The following YME1L1 variants were observed in gnomAD, a reference collection of about 807,000 sequenced individuals.
YME1L1 encodes the protein ATP-dependent zinc metalloprotease YME1L1.
A neutral mutation model predicts 90.4 loss-of-function variants in YME1L1; 39 were observed. The ratio of observed to expected loss-of-function variants is 0.43; its 90% CI spans 0.33 to 0.56. The LOEUF (loss-of-function observed/expected upper bound fraction) is 0.56. YME1L1 is among the 20% of genes least tolerant of loss of function. The probability of loss-of-function intolerance (pLI) is 0.03; values close to 1 mark genes in which losing one functional copy is unlikely to be tolerated. For missense variants in YME1L1, 617 were observed against 868.4 expected, an observed-to-expected ratio of 0.71 and a Z score of 3.64; for synonymous variants, 284 against 287.3, an observed-to-expected ratio of 0.99 and a Z score of 0.12.
intron 5 of YME1L1, among the ~76,000 whole-genome samples, chr10:27,136,002 T>C (rs1353003808): frequency 6.6e-6 from 1 of 152,228 alleles, no homozygotes; most frequent in Non-Finnish European, 1.5e-5. Flanking sequence ...CGTAGGTTGA[T>C]AGCCAGGTTT....
In YME1L1 at chr10:27,154,218, G is replaced by A. The variant is rs751015985; in HGVS notation, c.-8C>T. 67 of 1,587,606 alleles carry A rather than the reference G, an allele frequency of 4.2e-5. No homozygotes were observed. Among genetic ancestry groups the A allele is most frequent in the East Asian group, 1.4e-4 (6 of 43,582 alleles). Reference sequence around the variant, plus strand: ...GCTCGACAAGGAAAACATCTCCGGCGGGCCCTCAGCGACCTCACCCGCCTG... The same window carrying A: ...GCTCGACAAGGAAAACATCTCCGGCAGGCCCTCAGCGACCTCACCCGCCTG... On this transcript the variant is annotated 5_prime_UTR_variant, in exon 1 of 19. Coordinates refer to ENST00000376016, the MANE Select transcript of YME1L1 (RefSeq NM_014263.4).
At chr10:27,152,708 A>G (rs1305302858) in intron 1 of YME1L1, among the ~76,000 whole-genome samples, 1 of 152,148 alleles carries the variant, frequency 6.6e-6, no homozygotes, top group Non-Finnish European at 1.5e-5. Context: ...GATCAAACCC[A>G]GAAACACCTC....
At chr10:27,135,862 AC>A (rs1588603452) in intron 5 of YME1L1, among the ~76,000 whole-genome samples, 2 of 152,232 alleles carry the variant, frequency 1.3e-5, no homozygotes, top group African/African-American at 4.8e-5. Context: ...AGTATTCATT[AC>A]AGTAATTTAG....
chr10:27,146,862 AC>A, intron 2 of YME1L1: 1 of 156,144 alleles, frequency 6.4e-6, no homozygotes, highest in South Asian at 1.9e-4. Flanking sequence ...ACTATAAAAT[AC>A]ACCTTATTTC....
chr10:27,145,303 A>C (rs1271011544), intron 3 of YME1L1, 125 bp downstream of exon 3: 1 of 838,298 alleles, frequency 1.2e-6, no homozygotes, highest in Non-Finnish European at 1.6e-6. Flanking sequence ...AAAAAAAACA[A>C]AAAAAAAACA....
rs570800743 is a variant in YME1L1 at position 27,120,225 on chromosome 10, A to C, written c.1411+210T>G. 2.2e-4 allele frequency among the ~76,000 whole-genome samples: 33 copies of C among 152,236 alleles called. 1 individual carries two copies. In the South Asian group the frequency reaches 6.4e-3, roughly 30 times the overall value. On this transcript the variant is annotated intron_variant, in intron 13 of 18. Transcript: ENST00000376016. ...TTATCTGTCTGAATACTCTAAAAAA[A>C]CCTTTCTTTAGACTCAGGGTTCAAA...
intron 3 of YME1L1, among the ~76,000 whole-genome samples, chr10:27,143,087 T>C (rs1194005973): frequency 2.0e-5 from 3 of 151,672 alleles, no homozygotes; most frequent in African/African-American, 7.2e-5. Flanking sequence ...GTGATAAAAA[T>C]GGCCTGGTGT....
At chr10:27,140,135 G>C (rs764951479) in intron 4 of YME1L1, among the ~76,000 whole-genome samples, 10 of 152,064 alleles carry the variant, frequency 6.6e-5, no homozygotes, top group Non-Finnish European at 1.0e-4. Context: ...GAGTAGCTGA[G>C]ATTACAGGCA....
At chr10:27,146,492 A>G (rs2057144817) in intron 2 of YME1L1, 1 of 152,202 alleles carries the variant, frequency 6.6e-6, no homozygotes, top group Admixed American at 6.5e-5. Flanking sequence ...CAAACCCAAA[A>G]CAGCTAAGGT....
chr10:27,132,782 T>G (rs1284481419), intron 7 of YME1L1, among the ~76,000 whole-genome samples: 4 of 151,830 alleles, frequency 2.6e-5, no homozygotes, highest in Non-Finnish European at 4.4e-5. Flanking sequence ...ATTGCCCCAC[T>G]GCACTCCAGC....
intron 9 of YME1L1, among the ~76,000 whole-genome samples, chr10:27,126,372 C>A (rs535965484): frequency 7.9e-5 from 12 of 152,006 alleles, no homozygotes; most frequent in African/African-American, 2.9e-4. Flanking sequence ...GTGGCTACAG[C>A]GAGCCATGAT....
At chr10:27,113,260 A>AAAAAAAAAAT (rs1564453902) in intron 18 of YME1L1, among the ~76,000 whole-genome samples, 1 of 111,616 alleles carries the variant, frequency 9.0e-6, no homozygotes, top group African/African-American at 3.3e-5. Flanking sequence ...AAAAAAAAAA[A>AAAAAAAAAAT]AAAGACCTGC....
At chr10:27,116,396 C>T (rs547636173) in intron 15 of YME1L1, 51 bp from the exon 16 acceptor site, 21 of 1,597,476 alleles carry the variant, frequency 1.3e-5, no homozygotes, top group South Asian at 1.0e-4. Context: ...AGGCTGGGTG[C>T]GGTGGCTCAC....
Position 27,142,467 on chromosome 10 carries a change from C to T in YME1L1, c.350G>A (p.Ser117Asn). Residue 117 changes from serine to asparagine, a missense_variant, in exon 4 of 19, where the codon AGT becomes AAT. Ser to Asn is a conservative substitution (Grantham distance 46). Coordinates refer to ENST00000376016, the MANE Select transcript of YME1L1 (RefSeq NM_014263.4). ...ENKYGNLDIF[S>N]TLRSSCLYRH... is the part of the protein sequence containing the mutation. ...ATACAAGCAAGAGGAACGTAATGTA[C>T]TAAATATATCTAAGTTACCTGGAGG... The T allele has an allele frequency of 2.7e-6, 4 of 1,462,144 alleles. No homozygotes were observed. The South Asian group carries it at 4.5e-5, about 17-fold the overall frequency. The allele number at this position is 1,462,144 out of a possible 1,614,324, so 90.6% of individuals were successfully genotyped here.
intron 13 of YME1L1, 59 bp from the exon 14 acceptor site, chr10:27,119,508 C>T: frequency 6.5e-7 from 1 of 1,537,316 alleles, no homozygotes; most frequent in African/African-American, 1.4e-5. Flanking sequence ...GAAAGCTCTT[C>T]ACAAAGAACT....
rs1385996130 is a variant in YME1L1 at position 27,131,870 on chromosome 10, G to A, written c.847C>T (p.His283Tyr). The A allele has an allele frequency of 2.5e-6, 4 of 1,612,104 alleles. No homozygotes were observed. The highest frequency in any genetic ancestry group is 3.4e-6 in the Non-Finnish European group (4 of 1,179,424). ...TCTTCTTAACTTACCCCTTTAACAT[G>A]TTCAAAGGTGACATTTTTCATCTGG... ...PVQMKNVTFE[H>Y]VKGVEEAKQE... The change falls in exon 8 of 19, where the codon CAT becomes TAT. Residue 283 changes from histidine (H) to tyrosine (Y), a missense_variant. Physicochemically the swap from His to Tyr is moderately conservative, Grantham distance 83 (BLOSUM62 2). Transcript: ENST00000376016.
Position 27,116,355 on chromosome 10 carries a change from TA to T in YME1L1, c.1720-11del. The T allele has an allele frequency of 6.2e-7, 1 of 1,612,260 alleles. No individual in the cohort carries two copies. Among genetic ancestry groups the T allele is most frequent in the Non-Finnish European group, 8.5e-7 (1 of 1,179,584 alleles). ...CAGGTAACAGGGACACCTAGACAAT[TA>T]AAAATTAATCAGATAAAAAATAAGC... On this transcript the variant is annotated splice_polypyrimidine_tract_variant and intron_variant, in intron 15 of 18. Coordinates refer to ENST00000376016, the MANE Select transcript of YME1L1 (RefSeq NM_014263.4).
At chr10:27,138,175 T>A (rs1450529224) in intron 4 of YME1L1, among the ~76,000 whole-genome samples, 2 of 152,274 alleles carry the variant, frequency 1.3e-5, no homozygotes, top group East Asian at 3.9e-4. Flanking sequence ...TGCACTGATG[T>A]ATGTCAGCAC....
At chr10:27,153,421 A>G (rs2057255101) in intron 1 of YME1L1, 1 of 329,764 alleles carries the variant, frequency 3.0e-6, no homozygotes, top group Admixed American at 4.0e-5. Flanking sequence ...ATGTTTTAAA[A>G]ACTATTTCTT....
Sources: gnomAD v4.1 joint callset for allele counts (sites outside exome capture counted in the v4.1 genomes callset) on GRCh38, gnomAD v4.1.1 for gene constraint, MANE v1.5 for transcripts, NCBI Gene and HGNC (gene_info 2026-07-23, HGNC 2026-07-21) for gene names.